The following CCDC102B variants were observed in gnomAD, a reference collection of about 807,000 sequenced individuals.
CCDC102B encodes the protein coiled-coil domain containing 102B.
In CCDC102B, 75 loss-of-function variants were observed where a neutral mutation model predicts 57.4. The observed-to-expected ratio is 1.31, with a 90% CI of 1.08 to 1.58. The LOEUF (loss-of-function observed/expected upper bound fraction) is 1.58. CCDC102B is among the 40% of genes most tolerant of loss of function. The pLI is 0.00. For synonymous variants in CCDC102B, 206 were observed against 201.9 expected, an observed-to-expected ratio of 1.02 and a Z score of -0.17; for missense variants, 636 against 582.6, an observed-to-expected ratio of 1.09 and a Z score of -0.94.
chr18:68,826,289 T>A (rs894840742), intron 1 of CCDC102B, among the ~76,000 whole-genome samples: 3 of 152,182 alleles, frequency 2.0e-5, no homozygotes, highest in Non-Finnish European at 4.4e-5. Flanking sequence ...TTGGGGTAGA[T>A]CTGCTGCCAA....
chr18:68,901,898 A>G (rs868860053), intron 6 of CCDC102B, among the ~76,000 whole-genome samples: 1 of 152,136 alleles, frequency 6.6e-6, no homozygotes, highest in Non-Finnish European at 1.5e-5. Context: ...TGGGAAGTTG[A>G]TGGAAAACTT....
Position 69,022,222 on chromosome 18 carries a change from T to TATATATATATATATATAAAA in CCDC102B, c.1434+11119_1434+11120insTATATATATATATATAAAAA, listed in dbSNP as rs1395799223. ...ATATATATATATATATATATATATA[T>TATATATATATATATATAAAA]AACACACACACACGCGTGCGTGTGC... On this transcript the variant is annotated intron_variant, in intron 7 of 7. Coordinates refer to ENST00000360242, the MANE Select transcript of CCDC102B (RefSeq NM_024781.3). Among the ~76,000 whole-genome samples the TATATATATATATATATAAAA allele has an allele frequency of 4.6e-4, 44 of 94,996 alleles. No homozygotes were observed. The East Asian group carries it at 6.5e-3, about 14-fold the overall frequency. 62.3% of individuals were successfully genotyped at this position (94,996 alleles called of 152,430 possible). A position where few individuals can be genotyped will look rare whatever the true frequency, so the allele number is the denominator to read the frequency against.
intron 6 of CCDC102B, among the ~76,000 whole-genome samples, chr18:68,956,572 T>TATATAAAA: frequency 1.8e-4 from 1 of 5,536 alleles, no homozygotes; most frequent in Non-Finnish European, 5.7e-4. Flanking sequence ...ATTATATATT[T>TATATAAAA]TATATATATA....
intron 4 of CCDC102B, among the ~76,000 whole-genome samples, chr18:68,852,887 A>G (rs1263721029): frequency 6.6e-6 from 1 of 152,210 alleles, no homozygotes; most frequent in Non-Finnish European, 1.5e-5. Context: ...CAGTGAAGCT[A>G]AAAAAGTTTG....
chr18:68,859,092 C>G (rs538013016), intron 4 of CCDC102B: 1 of 150,894 alleles, frequency 6.6e-6, no homozygotes, highest in South Asian at 2.1e-4. Context: ...GGTACTGGTA[C>G]CAAAACAGAG....
At chr18:69,040,287 G>A (rs1044345284) in intron 7 of CCDC102B, among the ~76,000 whole-genome samples, 9 of 151,766 alleles carry the variant, frequency 5.9e-5, no homozygotes, top group Non-Finnish European at 1.2e-4. Context: ...GCTCATGAGT[G>A]AAAGTTATAT....
At chr18:68,890,816 T>C (rs1942286) in intron 5 of CCDC102B, among the ~76,000 whole-genome samples, 53,140 of 152,058 alleles carry the variant, frequency 0.35, 11,689 homozygotes, top group East Asian at 0.68. Context: ...AGACTACTAC[T>C]CCTTTGTATG....
chr18:69,034,150 G>A (rs1351532535), intron 7 of CCDC102B, among the ~76,000 whole-genome samples: 2 of 151,816 alleles, frequency 1.3e-5, no homozygotes, highest in Non-Finnish European at 2.9e-5. Flanking sequence ...CTCTCCTTCT[G>A]TGGATTGAAT....
At chr18:68,820,459 T>C (rs2036649169) in intron 1 of CCDC102B, among the ~76,000 whole-genome samples, 2 of 152,140 alleles carry the variant, frequency 1.3e-5, no homozygotes, top group South Asian at 4.1e-4. Context: ...CTAACATTTC[T>C]ATTAGGGCGT....
intron 7 of CCDC102B, among the ~76,000 whole-genome samples, chr18:69,043,697 C>A (rs1380252488): frequency 6.6e-6 from 1 of 152,044 alleles, no homozygotes; most frequent in Non-Finnish European, 1.5e-5. Flanking sequence ...GGGGTAAGGT[C>A]ATAGATTAAC....
intron 1 of CCDC102B, chr18:68,715,675 AT>A (rs571548817): frequency 6.6e-6 from 1 of 152,198 alleles, no homozygotes. Context: ...AGCGTAGGAT[AT>A]TTTTTGATGG....
chr18:68,899,553 C>T (rs997617070), intron 6 of CCDC102B, among the ~76,000 whole-genome samples: 2 of 151,780 alleles, frequency 1.3e-5, no homozygotes, highest in African/African-American at 4.8e-5. Context: ...AAACACTGCA[C>T]GATTATTAGT....
chr18:69,050,999 C>T (rs1371377538), intron 7 of CCDC102B, among the ~76,000 whole-genome samples: 5 of 152,136 alleles, frequency 3.3e-5, no homozygotes, highest in East Asian at 3.9e-4. Flanking sequence ...ATCTTCCTGC[C>T]TCAGCTTACC....
At chr18:68,956,762 C>A (rs1344219852) in intron 6 of CCDC102B, among the ~76,000 whole-genome samples, 1 of 149,588 alleles carries the variant, frequency 6.7e-6, no homozygotes, top group Non-Finnish European at 1.5e-5. Context: ...TACAAGGGTT[C>A]CCTTTTCTCC....
intron 6 of CCDC102B, among the ~76,000 whole-genome samples, chr18:68,958,465 TG>T (rs2049963880): frequency 6.6e-6 from 1 of 152,164 alleles, no homozygotes; most frequent in Admixed American, 6.5e-5. Flanking sequence ...TCATAATGAA[TG>T]TTTTTTTAGA....
chr18:68,964,687 T>G (rs964088283), intron 6 of CCDC102B, among the ~76,000 whole-genome samples: 4 of 151,934 alleles, frequency 2.6e-5, no homozygotes, highest in Non-Finnish European at 5.9e-5. Context: ...ATTTTACCCT[T>G]TCTTTCTTTT....
At chr18:69,006,499 T>C (rs1036915152) in intron 6 of CCDC102B, among the ~76,000 whole-genome samples, 5 of 151,792 alleles carry the variant, frequency 3.3e-5, no homozygotes, top group Non-Finnish European at 7.4e-5. Flanking sequence ...CTCGGCTCAC[T>C]GCAACCTCCG....
intron 3 of CCDC102B, among the ~76,000 whole-genome samples, chr18:68,845,387 TCA>T (rs1431496027): frequency 6.6e-6 from 1 of 151,782 alleles, no homozygotes; most frequent in African/African-American, 2.4e-5. Flanking sequence ...TCACAAAATC[TCA>T]GTGTCATATA....
intron 4 of CCDC102B, among the ~76,000 whole-genome samples, chr18:68,850,250 G>A (rs2038061550): frequency 6.6e-6 from 1 of 152,046 alleles, no homozygotes; most frequent in Non-Finnish European, 1.5e-5. Flanking sequence ...TTTCATTAGT[G>A]TTGATAAATA....
Sources: allele counts gnomAD v4.1 joint callset (sites outside exome capture counted in the v4.1 genomes callset), GRCh38; gene constraint gnomAD v4.1.1; transcripts MANE v1.5; gene names NCBI Gene and HGNC (gene_info 2026-07-23, HGNC 2026-07-21).